The following NEGR1 variants were observed in gnomAD, a reference collection of about 807,000 sequenced individuals.
NEGR1 encodes the protein neuronal growth regulator 1.
A neutral mutation model predicts 40.9 loss-of-function variants in NEGR1; 10 were observed. That is an observed-to-expected ratio of 0.24 (90% confidence interval 0.15 to 0.42). The LOEUF is 0.42. NEGR1 is among the 10% of genes least tolerant of loss of function. The pLI, the probability that NEGR1 is intolerant of heterozygous loss-of-function variation, is 1.00. For synonymous variants in NEGR1, 185 were observed against 166.8 expected, an observed-to-expected ratio of 1.11 and a Z score of -0.84; for missense variants, 352 against 438.9, an observed-to-expected ratio of 0.80 and a Z score of 1.77.
intron 1 of NEGR1, among the ~76,000 whole-genome samples, chr1:72,205,365 A>G (rs1653355312): frequency 6.6e-6 from 1 of 151,798 alleles, no homozygotes. Context: ...TCAGAGGAGT[A>G]AGGGACTGAT....
intron 1 of NEGR1, among the ~76,000 whole-genome samples, chr1:72,170,746 C>T (rs185092754): frequency 6.6e-6 from 1 of 152,234 alleles, no homozygotes; most frequent in East Asian, 1.9e-4. Context: ...CTTCTGTGGT[C>T]CTTGTTTTTG....
chr1:71,672,989 A>T (rs1237754101), intron 4 of NEGR1, among the ~76,000 whole-genome samples: 1 of 152,088 alleles, frequency 6.6e-6, no homozygotes, highest in African/African-American at 2.4e-5. Flanking sequence ...TAATCCCAGC[A>T]CTTTGGGAGG....
Position 71,907,753 on chromosome 1 carries a change from G to A in NEGR1, c.409+27326C>T, listed in dbSNP as rs144565122. ...TAGAAAAGACATGAAATCAACCTAGGTGCCCATCAATGGTGGACTGCATAA... is the reference window on the plus strand; with the variant it reads ...TAGAAAAGACATGAAATCAACCTAGATGCCCATCAATGGTGGACTGCATAA... On this transcript the variant is annotated intron_variant, in intron 2 of 6. Coordinates refer to ENST00000357731, the MANE Select transcript of NEGR1 (RefSeq NM_173808.3). 4.7e-4 allele frequency among the ~76,000 whole-genome samples: 71 copies of A among 152,124 alleles called. No homozygotes were observed. In the East Asian group the frequency reaches 0.011, roughly 23 times the overall value.
rs183729169 is a variant in NEGR1, at chr1:71,898,459, A to G, written c.409+36620T>C. ...TGAAACCCCGTCTCTACTAAAAATA[A>G]GAAAAATTAGCCGGGCGTAGTGGCG... On this transcript the variant is annotated intron_variant, in intron 2 of 6. Coordinates refer to ENST00000357731, the MANE Select transcript of NEGR1 (RefSeq NM_173808.3). Among the ~76,000 whole-genome samples, 284 of 152,194 alleles carry G rather than the reference A, an allele frequency of 1.9e-3. 3 individuals are homozygous for G. Among genetic ancestry groups the G allele is most frequent in the Admixed American group, 4.1e-3 (63 of 15,286 alleles).
chr1:71,639,734 T>C (rs761324843), intron 4 of NEGR1, among the ~76,000 whole-genome samples: 14 of 152,040 alleles, frequency 9.2e-5, no homozygotes, highest in African/African-American at 3.1e-4. Context: ...AGGCCCAACA[T>C]GGGCACATGT....
At chr1:71,597,622 T>A (rs1370685712) in intron 5 of NEGR1, among the ~76,000 whole-genome samples, 11 of 151,550 alleles carry the variant, frequency 7.3e-5, no homozygotes, top group Non-Finnish European at 1.2e-4. Context: ...ATACTAAAAA[T>A]TTTCAGCATT....
At chr1:71,636,367 G>C (rs1480143963) in intron 4 of NEGR1, among the ~76,000 whole-genome samples, 1 of 151,974 alleles carries the variant, frequency 6.6e-6, no homozygotes, top group African/African-American at 2.4e-5. Context: ...TCATTTTTAT[G>C]TTATGTCTTT....
At chr1:72,163,042 TTTTA>T (rs2100379125) in intron 1 of NEGR1, among the ~76,000 whole-genome samples, 1 of 152,258 alleles carries the variant, frequency 6.6e-6, no homozygotes, top group Non-Finnish European at 1.5e-5. Flanking sequence ...TTCCTTCAGT[TTTTA>T]TTTATTAAAT....
chr1:71,688,421 T>TATATATATAAAAGATATATATAAAAG (rs1306363668), intron 4 of NEGR1, among the ~76,000 whole-genome samples: 1 of 98,836 alleles, frequency 1.0e-5, no homozygotes, highest in African/African-American at 4.1e-5. Flanking sequence ...ATATAAAAGA[T>TATATATATAAAAGATATATATAAAAG]ATATATATAA....
intron 6 of NEGR1, among the ~76,000 whole-genome samples, chr1:71,512,664 C>T (rs1032882862): frequency 5.3e-5 from 8 of 151,424 alleles, no homozygotes; most frequent in African/African-American, 1.9e-4. Flanking sequence ...CTCACTACAA[C>T]CTGTGCCTCC....
chr1:72,246,995 C>T (rs1390828227), intron 1 of NEGR1, among the ~76,000 whole-genome samples: 1 of 152,214 alleles, frequency 6.6e-6, no homozygotes, highest in Non-Finnish European at 1.5e-5. Flanking sequence ...CGAGCTGTAC[C>T]TGGGCTTCTG....
chr1:72,042,402 C>T (rs982387904), intron 1 of NEGR1, among the ~76,000 whole-genome samples: 12 of 151,822 alleles, frequency 7.9e-5, no homozygotes, highest in African/African-American at 2.9e-4. Flanking sequence ...AGAATTTAGC[C>T]AGAGAGTGCA....
chr1:71,873,919 T>C (rs1660351813), intron 2 of NEGR1, among the ~76,000 whole-genome samples: 2 of 152,180 alleles, frequency 1.3e-5, no homozygotes, highest in South Asian at 2.1e-4. Flanking sequence ...GTAGCAAAAT[T>C]AGGCATTTGG....
At chr1:71,434,830 G>T (rs561095173) in intron 6 of NEGR1, among the ~76,000 whole-genome samples, 2 of 152,298 alleles carry the variant, frequency 1.3e-5, no homozygotes, top group South Asian at 4.1e-4. Context: ...GGTGGCTCAC[G>T]CCTGTAATCC....
intron 6 of NEGR1, among the ~76,000 whole-genome samples, chr1:71,436,307 C>G (rs563564685): frequency 2.4e-4 from 36 of 151,474 alleles, no homozygotes; most frequent in African/African-American, 8.7e-4. Context: ...AGATATCATA[C>G]CAGAAGAATT....
intron 1 of NEGR1, among the ~76,000 whole-genome samples, chr1:72,161,428 T>A (rs777391091): frequency 6.6e-6 from 1 of 151,894 alleles, no homozygotes; most frequent in Non-Finnish European, 1.5e-5. Flanking sequence ...CAGGGGGCAT[T>A]TGTCTGGAGG....
chr1:71,651,217 T>C (rs966158094), intron 4 of NEGR1, among the ~76,000 whole-genome samples: 1 of 152,188 alleles, frequency 6.6e-6, no homozygotes, highest in Non-Finnish European at 1.5e-5. Flanking sequence ...TGGGGGATTA[T>C]GCCTTTGCTA....
At chr1:71,417,393 A>G (rs1223584347) in intron 6 of NEGR1, among the ~76,000 whole-genome samples, 1 of 152,228 alleles carries the variant, frequency 6.6e-6, no homozygotes, top group Non-Finnish European at 1.5e-5. Context: ...AGGAAAGATA[A>G]TATTATCAAT....
At chr1:72,136,589 T>G (rs1210635866) in intron 1 of NEGR1, among the ~76,000 whole-genome samples, 1 of 140,048 alleles carries the variant, frequency 7.1e-6, no homozygotes, top group East Asian at 2.1e-4. Flanking sequence ...TCCACAGGTC[T>G]TAGCCAGCAA....
Sources: allele counts gnomAD v4.1 joint callset (sites outside exome capture counted in the v4.1 genomes callset), GRCh38; gene constraint gnomAD v4.1.1; transcripts MANE v1.5; gene names NCBI Gene and HGNC (gene_info 2026-07-23, HGNC 2026-07-21).